Variants in CSMD1 observed in about 807,000 individuals in gnomAD.
CSMD1 encodes CUB and Sushi multiple domains 1.
CSMD1 carries 213 observed loss-of-function variants against 417.5 expected under a neutral mutation model. The ratio of observed to expected loss-of-function variants is 0.51; its 90% CI spans 0.46 to 0.57. CSMD1 has a LOEUF of 0.57. Among genes scored for constraint, CSMD1 ranks in the 20% least tolerant of loss-of-function variants. CSMD1 has a pLI of 0.00. For synonymous variants in CSMD1, 2,862 were observed against 1,736.8 expected (o/e 1.65, Z -16.11); for missense variants, 6,923 against 4,529.7 (o/e 1.53, Z -15.17).
chr8:4,622,310 G>A (rs538645986), intron 2 of CSMD1, among the ~76,000 whole-genome samples: 8 of 152,206 alleles, frequency 5.3e-5, no homozygotes, highest in African/African-American at 1.9e-4. Flanking sequence ...GGAGGATTTA[G>A]TGGCCCACCG....
At chr8:3,746,685 C>T (rs949662079) in intron 6 of CSMD1, among the ~76,000 whole-genome samples, 1 of 152,104 alleles carries the variant, frequency 6.6e-6, no homozygotes, top group African/African-American at 2.4e-5. Context: ...AAATTATCCC[C>T]AATATCTACT....
chr8:3,053,916 G>C (rs1812040966), intron 49 of CSMD1, among the ~76,000 whole-genome samples: 1 of 152,192 alleles, frequency 6.6e-6, no homozygotes, highest in Non-Finnish European at 1.5e-5. Context: ...AATTCAGATA[G>C]TTCAAATTTT....
At chr8:3,340,852 C>T (rs1550893) in intron 23 of CSMD1, among the ~76,000 whole-genome samples, 117,985 of 152,048 alleles carry the variant, frequency 0.78, 46,175 homozygotes, top group African/African-American at 0.87. Context: ...GAGGAGTCTC[C>T]GGGTTTTGCA....
chr8:3,897,287 C>T (rs1807433630), intron 5 of CSMD1, among the ~76,000 whole-genome samples: 1 of 152,180 alleles, frequency 6.6e-6, no homozygotes, highest in Non-Finnish European at 1.5e-5. Flanking sequence ...TAATTATCTA[C>T]ACTTAAGAGC....
At chr8:4,742,510 A>C (rs1042171492) in intron 1 of CSMD1, among the ~76,000 whole-genome samples, 1 of 152,106 alleles carries the variant, frequency 6.6e-6, no homozygotes, top group Non-Finnish European at 1.5e-5. Context: ...ACACATGTAC[A>C]TAGAAAATAT....
chr8:3,823,628 T>C (rs1801875098), intron 5 of CSMD1, among the ~76,000 whole-genome samples: 2 of 152,260 alleles, frequency 1.3e-5, no homozygotes, highest in Middle Eastern at 3.4e-3. Flanking sequence ...AACATTTTTA[T>C]AAAAATAATG....
At chr8:3,611,163 C>T (rs1379236550) in intron 8 of CSMD1, among the ~76,000 whole-genome samples, 2 of 151,476 alleles carry the variant, frequency 1.3e-5, no homozygotes, top group African/African-American at 4.9e-5. Flanking sequence ...AGCACACCAG[C>T]ATGGCACATG....
At chr8:3,343,955 G>C (rs1807823079) in intron 22 of CSMD1, among the ~76,000 whole-genome samples, 1 of 152,188 alleles carries the variant, frequency 6.6e-6, no homozygotes, top group East Asian at 1.9e-4. Flanking sequence ...TAGTCTGCAA[G>C]CCTCCGGTGG....
intron 7 of CSMD1, among the ~76,000 whole-genome samples, chr8:3,648,430 G>A (rs1048402697): frequency 1.3e-5 from 2 of 152,184 alleles, no homozygotes; most frequent in African/African-American, 4.8e-5. Context: ...AACTCAAATT[G>A]AGATTTTAAT....
chr8:4,314,982 A>G (rs1798839527), intron 3 of CSMD1, among the ~76,000 whole-genome samples: 1 of 152,146 alleles, frequency 6.6e-6, no homozygotes, highest in African/African-American at 2.4e-5. Context: ...ACCTTCCCAC[A>G]TGGCTAATAG....
intron 1 of CSMD1, among the ~76,000 whole-genome samples, chr8:4,972,311 C>G (rs1029959258): frequency 6.6e-6 from 1 of 151,258 alleles, no homozygotes; most frequent in Non-Finnish European, 1.5e-5. Flanking sequence ...ATTGTAATCC[C>G]CTACTCCCGA....
At chr8:4,571,241 C>T (rs772111195) in intron 2 of CSMD1, among the ~76,000 whole-genome samples, 3 of 152,130 alleles carry the variant, frequency 2.0e-5, no homozygotes, top group Non-Finnish European at 2.9e-5. Flanking sequence ...GTTAGGGCAT[C>T]GATTTTGGAT....
At chr8:4,794,596 C>G (rs7000508) in intron 1 of CSMD1, among the ~76,000 whole-genome samples, 1 of 152,138 alleles carries the variant, frequency 6.6e-6, no homozygotes, top group Non-Finnish European at 1.5e-5. Flanking sequence ...ACCCCTCACA[C>G]GCCTCTGGGC....
chr8:4,773,488 A>G (rs937001066), intron 1 of CSMD1, among the ~76,000 whole-genome samples: 2 of 152,170 alleles, frequency 1.3e-5, no homozygotes, highest in African/African-American at 4.8e-5. Context: ...GTGTTCATGG[A>G]TAAAGAATAC....
chr8:3,445,881 A>C lies in CSMD1; in HGVS notation c.1561+22831T>G, dbSNP rs546608041. On this transcript the variant is annotated intron_variant, in intron 12 of 69. Transcript: ENST00000635120. ...CAAGATGGTATGTTATAGAAATAGC[A>C]AAAGCGTAAAATTGAGATCTATCAT... Among the ~76,000 whole-genome samples, 1,246 of 152,316 alleles carry C rather than the reference A, an allele frequency of 8.2e-3. 10 individuals carry two copies. Among genetic ancestry groups the C allele is most frequent in the African/African-American group, 0.028 (1,159 of 41,558 alleles).
intron 5 of CSMD1, among the ~76,000 whole-genome samples, chr8:3,762,048 T>A (rs1004991993): frequency 6.6e-6 from 1 of 152,094 alleles, no homozygotes; most frequent in African/African-American, 2.4e-5. Flanking sequence ...CCTCCTATAG[T>A]CAATTTTTTA....
intron 49 of CSMD1, among the ~76,000 whole-genome samples, chr8:3,066,350 A>G (rs1371094723): frequency 1.3e-5 from 2 of 152,246 alleles, no homozygotes; most frequent in Non-Finnish European, 2.9e-5. Context: ...CAACATGGTC[A>G]GAGAATAAGT....
intron 46 of CSMD1, among the ~76,000 whole-genome samples, chr8:3,103,160 T>C (rs1011085169): frequency 2.6e-5 from 4 of 152,166 alleles, no homozygotes; most frequent in South Asian, 2.1e-4. Context: ...CACTTACACA[T>C]AGACATATAG....
chr8:4,840,379 T>G (rs1307280201), intron 1 of CSMD1, among the ~76,000 whole-genome samples: 2 of 152,242 alleles, frequency 1.3e-5, no homozygotes, highest in African/African-American at 4.8e-5. Context: ...AGCCGATTAC[T>G]TGCTACTAAT....
Sources: gnomAD v4.1 joint callset for allele counts (sites outside exome capture counted in the v4.1 genomes callset) on GRCh38, gnomAD v4.1.1 for gene constraint, MANE v1.5 for transcripts, NCBI Gene and HGNC (gene_info 2026-07-23, HGNC 2026-07-21) for gene names.